LRRC7: variants seen among roughly 807,000 people sequenced by gnomAD.
LRRC7 encodes leucine-rich repeat-containing protein 7.
A neutral mutation model predicts 175.7 loss-of-function variants in LRRC7; 23 were observed. That is an observed-to-expected ratio of 0.13 (90% CI 0.09 to 0.19). The LOEUF (loss-of-function observed/expected upper bound fraction) is 0.19, where lower values mean the gene tolerates loss of function less well. LRRC7 is among the 10% of genes least tolerant of loss of function. The pLI is 1.00. For missense variants in LRRC7, 1,354 were observed against 1,904.7 expected, an observed-to-expected ratio of 0.71 and a Z score of 5.38; for synonymous variants, 685 against 680.9, an observed-to-expected ratio of 1.01 and a Z score of -0.09.
chr1:70,010,056 G>A (rs751065076), intron 11 of LRRC7, among the ~76,000 whole-genome samples: 2 of 152,076 alleles, frequency 1.3e-5, no homozygotes, highest in Non-Finnish European at 2.9e-5. Context: ...CTTCCCTGAT[G>A]TATTCCCTTG....
intron 2 of LRRC7, among the ~76,000 whole-genome samples, chr1:69,717,928 A>AAGAAAAAG (rs1665747594): frequency 1.8e-5 from 1 of 55,982 alleles, no homozygotes; most frequent in Non-Finnish European, 2.9e-5. Context: ...AGAAAAAAAG[A>AAGAAAAAG]AAAGAAAGAA....
intron 26 of LRRC7, among the ~76,000 whole-genome samples, chr1:70,119,039 A>G (rs970941245): frequency 1.4e-5 from 2 of 147,272 alleles, no homozygotes; most frequent in African/African-American, 5.2e-5. Flanking sequence ...CATGTTTTGG[A>G]TTTGGTGCTT....
intron 25 of LRRC7, among the ~76,000 whole-genome samples, chr1:70,098,315 A>C (rs1386006730): frequency 1.3e-5 from 2 of 152,056 alleles, no homozygotes; most frequent in African/African-American, 2.4e-5. Context: ...GGACGCATTC[A>C]AAGCAGTGTG....
intron 11 of LRRC7, among the ~76,000 whole-genome samples, chr1:69,995,597 C>T (rs1468474248): frequency 3.4e-5 from 5 of 146,174 alleles, no homozygotes; most frequent in African/African-American, 1.3e-4. Flanking sequence ...TGTTCCCCTT[C>T]CCGTGTCCAT....
At chr1:70,089,210 A>G (rs1663839270) in intron 24 of LRRC7, among the ~76,000 whole-genome samples, 1 of 152,156 alleles carries the variant, frequency 6.6e-6, no homozygotes, top group African/African-American at 2.4e-5. Flanking sequence ...TTCTCAAACT[A>G]AAAGATCTAA....
At chr1:69,967,700 G>A (rs1651799943) in intron 8 of LRRC7, among the ~76,000 whole-genome samples, 2 of 152,112 alleles carry the variant, frequency 1.3e-5, no homozygotes, top group Non-Finnish European at 2.9e-5. Context: ...CCAGAAGAGA[G>A]ATAACAATCC....
intron 1 of LRRC7, among the ~76,000 whole-genome samples, chr1:69,600,181 A>C (rs1646998385): frequency 6.6e-6 from 1 of 152,228 alleles, no homozygotes; most frequent in African/African-American, 2.4e-5. Flanking sequence ...CCTCTTTATT[A>C]TCATGTATTA....
chr1:70,029,040 A>G lies in LRRC7; in HGVS notation c.1995+669A>G, dbSNP rs147403487. The stretch of plus-strand genomic sequence containing the variant: ...CTTCATTAGAAACATAATTGATCTG[A>G]GTACATCTGTAAGTTCACGTAACTA... On this transcript the variant is annotated intron_variant, in intron 18 of 26. Transcript: ENST00000651989. Among the ~76,000 whole-genome samples the G allele has an allele frequency of 3.7e-4, 56 of 152,306 alleles. No homozygotes were observed. The East Asian group carries it at 6.9e-3, about 19-fold the overall frequency.
chr1:69,870,180 T>C (rs981201573), intron 7 of LRRC7, among the ~76,000 whole-genome samples: 3 of 152,056 alleles, frequency 2.0e-5, no homozygotes, highest in Non-Finnish European at 4.4e-5. Flanking sequence ...GAAGGTTTAG[T>C]ACATTGCCTA....
intron 1 of LRRC7, among the ~76,000 whole-genome samples, chr1:69,623,438 A>G (rs959154920): frequency 6.6e-6 from 1 of 152,118 alleles, no homozygotes; most frequent in Non-Finnish European, 1.5e-5. Context: ...CTATGAGGAA[A>G]AAAAAAACAA....
chr1:69,619,491 C>T (rs1204277807), intron 1 of LRRC7, among the ~76,000 whole-genome samples: 1 of 152,116 alleles, frequency 6.6e-6, no homozygotes, highest in Non-Finnish European at 1.5e-5. Context: ...CACAAAAGTA[C>T]AATGGTTGTC....
chr1:69,837,877 T>C (rs913375332), intron 6 of LRRC7, among the ~76,000 whole-genome samples: 35 of 151,416 alleles, frequency 2.3e-4, no homozygotes, highest in Admixed American at 1.9e-3. Flanking sequence ...AATTTGGACA[T>C]AGCTGTTTGA....
At chr1:70,085,830 T>G (rs1027198508) in intron 24 of LRRC7, among the ~76,000 whole-genome samples, 10 of 152,210 alleles carry the variant, frequency 6.6e-5, no homozygotes, top group African/African-American at 2.4e-4. Flanking sequence ...ATCTTCCTCA[T>G]TAGAATGTAA....
chr1:69,798,943 C>T (rs1334885600), intron 4 of LRRC7, among the ~76,000 whole-genome samples: 1 of 152,004 alleles, frequency 6.6e-6, no homozygotes, highest in Non-Finnish European at 1.5e-5. Context: ...TTATATTTCC[C>T]TAATCACTAG....
intron 24 of LRRC7, among the ~76,000 whole-genome samples, chr1:70,081,039 G>T (rs1440064978): frequency 6.6e-6 from 1 of 152,042 alleles, no homozygotes; most frequent in East Asian, 1.9e-4. Flanking sequence ...TCTGTTGAGG[G>T]GCTTTAAAAA....
At chr1:69,800,506 G>A (rs1047235930) in intron 4 of LRRC7, among the ~76,000 whole-genome samples, 1 of 151,892 alleles carries the variant, frequency 6.6e-6, no homozygotes, top group African/African-American at 2.4e-5. Context: ...TGCAGCTATT[G>A]TAAATGGGAT....
At chr1:69,854,582 G>A (rs1374956399) in intron 7 of LRRC7, among the ~76,000 whole-genome samples, 1 of 152,032 alleles carries the variant, frequency 6.6e-6, no homozygotes, top group Non-Finnish European at 1.5e-5. Flanking sequence ...CCAACTTACT[G>A]AGGGTAACTT....
intron 11 of LRRC7, among the ~76,000 whole-genome samples, chr1:70,001,590 C>T (rs191365589): frequency 7.2e-5 from 11 of 152,236 alleles, no homozygotes; most frequent in Admixed American, 3.9e-4. Context: ...AAAGACCAGA[C>T]GCAGTGACCG....
Position 69,931,502 on chromosome 1 carries a change from T to C in LRRC7, c.648-5T>C, listed in dbSNP as rs761429784. On this transcript the variant is annotated splice_region_variant and splice_polypyrimidine_tract_variant and intron_variant, in intron 7 of 26. Coordinates refer to ENST00000651989, the MANE Select transcript of LRRC7 (RefSeq NM_001370785.2). ...CACAATAGTATTTTTCTCCATCTGTTGTAGGTCAATGCACAAACTGGCCCA... is the reference window on the plus strand; with the variant it reads ...CACAATAGTATTTTTCTCCATCTGTCGTAGGTCAATGCACAAACTGGCCCA... The C allele has an allele frequency of 1.9e-6, 3 of 1,612,246 alleles. No individual in the cohort carries two copies. The South Asian group carries it at 3.3e-5, about 18-fold the overall frequency.
Sources: allele counts gnomAD v4.1 joint callset (sites outside exome capture counted in the v4.1 genomes callset), GRCh38; gene constraint gnomAD v4.1.1; transcripts MANE v1.5; gene names NCBI Gene and HGNC (gene_info 2026-07-23, HGNC 2026-07-21).